HHLA1: variants seen among roughly 807,000 people sequenced by gnomAD.
HHLA1 encodes the protein HERV-H LTR-associating protein 1.
HHLA1 carries 72 observed loss-of-function variants against 69.9 expected under a neutral mutation model. The ratio of observed to expected loss-of-function variants is 1.03; its 90% CI spans 0.85 to 1.25. HHLA1 has a LOEUF of 1.25. Ranked by LOEUF, HHLA1 falls within the 50% of genes most tolerant of loss-of-function variation. The pLI is 0.00. For missense variants in HHLA1, 685 were observed against 642.2 expected (o/e 1.07, Z -0.72); for synonymous variants, 252 against 233.2 (o/e 1.08, Z -0.73).
At chr8:132,080,880 T>C (rs1295390182) in intron 10 of HHLA1, 1 of 151,850 alleles carries the variant, frequency 6.6e-6, no homozygotes, top group African/African-American at 2.4e-5. Flanking sequence ...TAAGGGGTGA[T>C]ATTGTGGGGA....
At chr8:132,077,580 A>G (rs947575451) in intron 12 of HHLA1, 146 bp downstream of exon 12, 3 of 795,710 alleles carry the variant, frequency 3.8e-6, no homozygotes, top group Non-Finnish European at 5.8e-6. Flanking sequence ...AAAGGAAAGG[A>G]GAAGGAAGAG....
At chr8:132,094,085 G>C (rs961854889) in intron 7 of HHLA1, among the ~76,000 whole-genome samples, 6 of 152,172 alleles carry the variant, frequency 3.9e-5, no homozygotes, top group Non-Finnish European at 8.8e-5. Flanking sequence ...GAAAAACCTA[G>C]ATCCACTCAA....
intron 10 of HHLA1, among the ~76,000 whole-genome samples, chr8:132,081,895 G>A (rs1823758354): frequency 6.6e-6 from 1 of 152,184 alleles, no homozygotes; most frequent in African/African-American, 2.4e-5. Flanking sequence ...GGAAATGAGA[G>A]GTTCTAAGAG....
chr8:132,079,342 C>T lies in HHLA1; in HGVS notation c.925+376G>A, dbSNP rs183475336. Among the ~76,000 whole-genome samples, 505 of 152,332 alleles carry T rather than the reference C, an allele frequency of 3.3e-3. 2 individuals are homozygous for T. The highest frequency in any genetic ancestry group is 6.8e-3 in the Middle Eastern group (2 of 294). On this transcript the variant is annotated intron_variant, in intron 11 of 16. Coordinates refer to ENST00000414222, the MANE Select transcript of HHLA1 (RefSeq NM_001145095.3). ...ATTTCAGGAGCGATATCGCTAAATG[C>T]TTTGCTGAAATATAAATACTTTTGC...
chr8:132,094,443 C>A (rs978684317), intron 7 of HHLA1, among the ~76,000 whole-genome samples: 40 of 152,280 alleles, frequency 2.6e-4, no homozygotes, highest in Non-Finnish European at 4.0e-4. Flanking sequence ...CCAATCAGAG[C>A]TAATTTCCTA....
chr8:132,082,568 C>T (rs1468610572), intron 10 of HHLA1, among the ~76,000 whole-genome samples: 1 of 151,984 alleles, frequency 6.6e-6, no homozygotes, highest in Non-Finnish European at 1.5e-5. Flanking sequence ...GAAATTTGGG[C>T]TTGATTGAAG....
intron 3 of HHLA1, among the ~76,000 whole-genome samples, chr8:132,100,716 C>T (rs1824098685): frequency 6.6e-6 from 1 of 152,168 alleles, no homozygotes; most frequent in Non-Finnish European, 1.5e-5. Flanking sequence ...ATGGGGCCTC[C>T]TGTGTGTGAT....
intron 1 of HHLA1, among the ~76,000 whole-genome samples, chr8:132,110,257 C>A (rs1001057292): frequency 6.6e-6 from 1 of 152,158 alleles, no homozygotes; most frequent in Non-Finnish European, 1.5e-5. Flanking sequence ...GGCATTACGA[C>A]GGTCCGTTCA....
At position 132,104,167 on chromosome 8, in the gene HHLA1, A is replaced by T; in HGVS notation, c.80T>A (p.Val27Glu). The T allele has an allele frequency of 1.3e-6, 2 of 1,549,010 alleles. No homozygotes were observed. The highest frequency in any genetic ancestry group is 1.2e-5 in the South Asian group (1 of 83,848). ...CTTGGCTTCTCCTTTGATGCCAGACACTAAAGTAAAAAAGGTTTAATCACA... is the reference window on the plus strand; with the variant it reads ...CTTGGCTTCTCCTTTGATGCCAGACTCTAAAGTAAAAAAGGTTTAATCACA... ...LACVLSLWNT[V>E]SGIKGEAKKE... The change falls in exon 3 of 17, where the codon GTG becomes GAG. Residue 27 changes from valine to glutamate, a missense_variant and splice_region_variant. Val to Glu is a moderately radical substitution (Grantham distance 121). Transcript: ENST00000414222.
chr8:132,096,301 G>C (rs1033781127), intron 5 of HHLA1, among the ~76,000 whole-genome samples: 1 of 152,100 alleles, frequency 6.6e-6, no homozygotes, highest in Non-Finnish European at 1.5e-5. Context: ...TGTCTCCTTT[G>C]CCTCTTTCTT....
chr8:132,093,145 G>GTAGGTTAGATAA (rs1823971282), intron 7 of HHLA1, among the ~76,000 whole-genome samples: 2 of 152,160 alleles, frequency 1.3e-5, no homozygotes, highest in African/African-American at 4.8e-5. Context: ...TAGGTAGATA[G>GTAGGTTAGATAA]GTAGGTTAGA....
At chr8:132,066,819 T>C (rs1261257164) in intron 15 of HHLA1, among the ~76,000 whole-genome samples, 1 of 152,190 alleles carries the variant, frequency 6.6e-6, no homozygotes, top group Non-Finnish European at 1.5e-5. Context: ...GGCACAGAGA[T>C]TAAATGACTT....
chr8:132,080,167 C>T, intron 10 of HHLA1: 1 of 728,030 alleles, frequency 1.4e-6, no homozygotes, highest in Non-Finnish European at 2.4e-6. Flanking sequence ...CTCAGCCTCT[C>T]CAGGACTCTG....
intron 14 of HHLA1, among the ~76,000 whole-genome samples, chr8:132,075,745 A>G (rs1343601180): frequency 2.0e-5 from 3 of 152,246 alleles, no homozygotes; most frequent in African/African-American, 4.8e-5. Context: ...ATTAAGTTCT[A>G]CAGAGCTCTA....
intron 16 of HHLA1, 111 bp from the exon 17 acceptor site, chr8:132,064,149 C>A (rs1823396653): frequency 7.5e-6 from 4 of 535,140 alleles, no homozygotes; most frequent in Non-Finnish European, 1.2e-5. Context: ...TTCCGGAGAG[C>A]AAGTGTGGGG....
chr8:132,063,296 C>A lies in HHLA1; in HGVS notation c.*699G>T, dbSNP rs987013945. On this transcript the variant is annotated 3_prime_UTR_variant, in exon 17 of 17. Coordinates refer to ENST00000414222, the MANE Select transcript of HHLA1 (RefSeq NM_001145095.3). ...CAGTTTTCCCTACCTCTGAGTTCTA[C>A]TCATGAATCATTGAACCTGAGGGTG... The A allele has an allele frequency of 6.6e-6, 1 of 152,196 alleles. No individual in the cohort carries two copies. 9.4% of individuals were successfully genotyped at this position (152,196 alleles called of 1,614,324 possible). A position where few individuals can be genotyped will look rare whatever the true frequency, so the allele number is the denominator to read the frequency against.
rs988579648 is a variant in HHLA1 at position 132,062,244 on chromosome 8, G to A, written c.*1751C>T. On this transcript the variant is annotated 3_prime_UTR_variant, in exon 17 of 17. Coordinates refer to ENST00000414222, the MANE Select transcript of HHLA1 (RefSeq NM_001145095.3). ...AAAAGTCATGATAATATACATTTAT[G>A]AGCTTGACATTTGCATAACTTGGAG... is the stretch of plus-strand genomic sequence containing the variant. 1 of 152,158 alleles carries A rather than the reference G, an allele frequency of 6.6e-6. No homozygotes were observed. Among genetic ancestry groups the A allele is most frequent in the Non-Finnish European group, 1.5e-5 (1 of 68,040 alleles). 9.4% of individuals were successfully genotyped at this position (152,158 alleles called of 1,614,324 possible). A position where few individuals can be genotyped will look rare whatever the true frequency, so the allele number is the denominator to read the frequency against.
chr8:132,065,171 A>G (rs1823412787), intron 16 of HHLA1, among the ~76,000 whole-genome samples: 1 of 152,246 alleles, frequency 6.6e-6, no homozygotes, highest in African/African-American at 2.4e-5. Flanking sequence ...GAAGTTTTGA[A>G]GCTACCAGGA....
intron 1 of HHLA1, among the ~76,000 whole-genome samples, chr8:132,108,169 T>C (rs1256130722): frequency 2.0e-5 from 3 of 152,190 alleles, no homozygotes; most frequent in Non-Finnish European, 4.4e-5. Flanking sequence ...TCTCTGTGCC[T>C]CACCCAAGAC....
Sources: allele counts gnomAD v4.1 joint callset (sites outside exome capture counted in the v4.1 genomes callset), GRCh38; gene constraint gnomAD v4.1.1; transcripts MANE v1.5; gene names NCBI Gene and HGNC (gene_info 2026-07-23, HGNC 2026-07-21).